EXOC4: variants seen among roughly 807,000 people sequenced by gnomAD.
EXOC4 encodes the protein exocyst complex component 4.
In EXOC4, 71 loss-of-function variants were observed where a neutral mutation model predicts 107.2. The observed-to-expected ratio is 0.66, with a 90% confidence interval of 0.55 to 0.81. The LOEUF (loss-of-function observed/expected upper bound fraction) is 0.81, where lower values mean the gene tolerates loss of function less well. Among genes scored for constraint, EXOC4 ranks in the 30% least tolerant of loss-of-function variants. EXOC4 has a pLI of 0.00. For missense variants in EXOC4, 1,108 were observed against 1,189.6 expected, an observed-to-expected ratio of 0.93 and a Z score of 1.01; for synonymous variants, 456 against 441.2, an observed-to-expected ratio of 1.03 and a Z score of -0.42.
intron 7 of EXOC4, among the ~76,000 whole-genome samples, chr7:133,397,052 G>A (rs1022962340): frequency 6.6e-6 from 1 of 152,064 alleles, no homozygotes; most frequent in Non-Finnish European, 1.5e-5. Flanking sequence ...CCTGGAGCTG[G>A]TCCAGACAAA....
chr7:133,478,308 T>C (rs1196215710), intron 8 of EXOC4, among the ~76,000 whole-genome samples: 4 of 144,326 alleles, frequency 2.8e-5, no homozygotes, highest in Admixed American at 1.3e-4. Flanking sequence ...AGTTGTGGTA[T>C]TGGGAAAAAA....
intron 10 of EXOC4, among the ~76,000 whole-genome samples, chr7:133,744,123 A>G (rs1347730345): frequency 6.6e-6 from 1 of 151,396 alleles, no homozygotes; most frequent in Non-Finnish European, 1.5e-5. Context: ...CCAGGTACAC[A>G]TTTCCTGGAG....
At chr7:133,939,571 A>T (rs1243073502) in intron 14 of EXOC4, among the ~76,000 whole-genome samples, 1 of 152,196 alleles carries the variant, frequency 6.6e-6, no homozygotes, top group Non-Finnish European at 1.5e-5. Context: ...TGTATTACCC[A>T]GGCTAGTCTT....
chr7:133,852,618 T>A (rs1798259914), intron 11 of EXOC4, among the ~76,000 whole-genome samples: 1 of 152,170 alleles, frequency 6.6e-6, no homozygotes, highest in Non-Finnish European at 1.5e-5. Context: ...GTATAATGGC[T>A]CTTAGTTAAC....
intron 11 of EXOC4, among the ~76,000 whole-genome samples, chr7:133,842,661 T>G (rs1798045883): frequency 6.6e-6 from 1 of 152,212 alleles, no homozygotes; most frequent in South Asian, 2.1e-4. Flanking sequence ...TAGGTTCCAT[T>G]TATTGATTTT....
intron 7 of EXOC4, among the ~76,000 whole-genome samples, chr7:133,403,649 G>T (rs1797144417): frequency 6.6e-6 from 1 of 152,152 alleles, no homozygotes; most frequent in Admixed American, 6.5e-5. Flanking sequence ...CCCCACATTG[G>T]CTGGGTTTTG....
At chr7:133,899,478 T>G (rs1166191931) in intron 12 of EXOC4, among the ~76,000 whole-genome samples, 2 of 152,258 alleles carry the variant, frequency 1.3e-5, no homozygotes, top group Admixed American at 1.3e-4. Flanking sequence ...TTGTTTGAAG[T>G]GATACTCTCC....
chr7:133,755,015 C>T (rs909935407), intron 10 of EXOC4, among the ~76,000 whole-genome samples: 1 of 151,424 alleles, frequency 6.6e-6, no homozygotes, highest in Non-Finnish European at 1.5e-5. Context: ...GTTGACCCTA[C>T]ATTTTTTCCA....
chr7:133,914,287 G>A (rs1488712804), intron 12 of EXOC4, among the ~76,000 whole-genome samples: 1 of 152,186 alleles, frequency 6.6e-6, no homozygotes, highest in Non-Finnish European at 1.5e-5. Flanking sequence ...ATGAATGAAA[G>A]AGGAATTAAA....
At chr7:133,394,158 C>T (rs1437819366) in intron 7 of EXOC4, among the ~76,000 whole-genome samples, 1 of 152,088 alleles carries the variant, frequency 6.6e-6, no homozygotes. Context: ...AATGCTCGTG[C>T]ATAGATAATA....
At position 134,064,323 on chromosome 7, in the gene EXOC4, A is replaced by G. The variant is rs745556169; in HGVS notation, c.2720A>G (p.Asp907Gly). The G allele has an allele frequency of 6.7e-7, 1 of 1,500,596 alleles. No individual in the cohort carries two copies. 93.0% of individuals were successfully genotyped at this position (1,500,596 alleles called of 1,614,324 possible). A position where few individuals can be genotyped will look rare whatever the true frequency, so the allele number is the denominator to read the frequency against. The change falls in exon 18 of 18, where the codon GAC becomes GGC. Residue 907 changes from aspartate to glycine, a missense_variant. Coordinates refer to ENST00000253861, the MANE Select transcript of EXOC4 (RefSeq NM_021807.4). ...TACGAGATGCTTTACAACACAGCTG[A>G]CGAGCTCCTGAACCTGGTGGTGGAC... is the stretch of plus-strand genomic sequence containing the variant. Reference protein sequence around the residue: ...QYYEMLYNTADELLNLVVDQG... With the variant: ...QYYEMLYNTAGELLNLVVDQG...
At chr7:133,581,836 C>T (rs890335086) in intron 9 of EXOC4, among the ~76,000 whole-genome samples, 2 of 151,220 alleles carry the variant, frequency 1.3e-5, no homozygotes, top group Admixed American at 6.6e-5. Context: ...ACTCACAGTT[C>T]TGCATGGCTG....
At chr7:133,780,064 G>A (rs189385038) in intron 10 of EXOC4, among the ~76,000 whole-genome samples, 8 of 152,234 alleles carry the variant, frequency 5.3e-5, no homozygotes, top group Non-Finnish European at 8.8e-5. Context: ...AAAGCAGTGT[G>A]TTCTGGGGAG....
At chr7:134,014,810 G>A (rs781771201) in intron 17 of EXOC4, among the ~76,000 whole-genome samples, 1 of 152,028 alleles carries the variant, frequency 6.6e-6, no homozygotes, top group Non-Finnish European at 1.5e-5. Flanking sequence ...AAAAAAAGAG[G>A]TTGAGTTTTA....
chr7:133,266,463 C>T (rs932292172), intron 1 of EXOC4, among the ~76,000 whole-genome samples: 3 of 152,206 alleles, frequency 2.0e-5, no homozygotes, highest in South Asian at 2.1e-4. Flanking sequence ...GTGAGAATCT[C>T]TCATCACCTA....
intron 17 of EXOC4, among the ~76,000 whole-genome samples, chr7:134,030,007 A>C (rs1795234261): frequency 1.3e-5 from 2 of 152,224 alleles, no homozygotes; most frequent in East Asian, 3.9e-4. Context: ...CAGATTGGCA[A>C]GGGGTCAGTC....
intron 10 of EXOC4, among the ~76,000 whole-genome samples, chr7:133,730,329 TA>T (rs1795300570): frequency 6.6e-6 from 1 of 151,696 alleles, no homozygotes; most frequent in Non-Finnish European, 1.5e-5. Context: ...AGGGACCTTA[TA>T]GGGGAGATCT....
intron 10 of EXOC4, among the ~76,000 whole-genome samples, chr7:133,731,129 A>G (rs1795317476): frequency 6.6e-6 from 1 of 152,182 alleles, no homozygotes; most frequent in African/African-American, 2.4e-5. Context: ...TATTTCAATG[A>G]AAATTTGATG....
intron 11 of EXOC4, among the ~76,000 whole-genome samples, chr7:133,859,476 A>G (rs534403174): frequency 6.6e-6 from 1 of 152,298 alleles, no homozygotes; most frequent in South Asian, 2.1e-4. Context: ...CCACACTGGA[A>G]CTGCTGCAGC....
Sources: gnomAD v4.1 joint callset for allele counts (sites outside exome capture counted in the v4.1 genomes callset) on GRCh38, gnomAD v4.1.1 for gene constraint, MANE v1.5 for transcripts, NCBI Gene and HGNC (gene_info 2026-07-23, HGNC 2026-07-21) for gene names.